Variants in OLFML2A observed in about 807,000 individuals in gnomAD.
OLFML2A encodes the protein olfactomedin-like protein 2A.
Under a neutral mutation model 60.9 loss-of-function variants are expected in OLFML2A, and 47 were observed. The observed-to-expected ratio is 0.77, with a 90% CI of 0.61 to 0.98. The LOEUF is 0.98. Among genes scored for constraint, OLFML2A ranks in the 50% least tolerant of loss-of-function variants. The pLI, the probability that OLFML2A is intolerant of heterozygous loss-of-function variation, is 0.00. For synonymous variants in OLFML2A, 372 were observed against 375.0 expected (o/e 0.99, Z 0.09); for missense variants, 922 against 879.8 (o/e 1.05, Z -0.61).
At position 124,806,665 on chromosome 9, in the gene OLFML2A, G is replaced by A. The variant is rs190642996; in HGVS notation, c.1169-1116G>A. 7.2e-4 allele frequency among the ~76,000 whole-genome samples: 108 copies of A among 150,830 alleles called. 1 individual carries two copies. Among genetic ancestry groups the A allele is most frequent in the African/African-American group, 2.2e-3 (92 of 41,028 alleles). On this transcript the variant is annotated intron_variant, in intron 6 of 7. Transcript: ENST00000373580. ...GAGATGGAGTCTCACTCTGTCACCC[G>A]GCTGGAGTGCAATTGTGTGATCTTG...
chr9:124,799,982 G>C (rs868471551), intron 4 of OLFML2A, among the ~76,000 whole-genome samples: 3 of 152,184 alleles, frequency 2.0e-5, no homozygotes, highest in Middle Eastern at 3.2e-3. Flanking sequence ...CCAATACCCA[G>C]GCACTCGACC....
intron 2 of OLFML2A, among the ~76,000 whole-genome samples, chr9:124,793,439 C>A (rs970669209): frequency 2.6e-5 from 4 of 152,188 alleles, no homozygotes; most frequent in Non-Finnish European, 5.9e-5. Context: ...CTCTCGGCTG[C>A]CATTTCCCCG....
chr9:124,794,397 A>T (rs1313092046), intron 2 of OLFML2A, among the ~76,000 whole-genome samples: 1 of 152,102 alleles, frequency 6.6e-6, no homozygotes, highest in Non-Finnish European at 1.5e-5. Context: ...ATCCGGACAA[A>T]CTCCTCCAGT....
intron 1 of OLFML2A, among the ~76,000 whole-genome samples, chr9:124,780,989 C>T (rs2131238453): frequency 6.6e-6 from 1 of 152,246 alleles, no homozygotes; most frequent in East Asian, 1.9e-4. Context: ...AGAGCAGGAC[C>T]CAGGCATCTG....
chr9:124,783,779 G>A (rs935027367), intron 1 of OLFML2A, among the ~76,000 whole-genome samples: 4 of 152,156 alleles, frequency 2.6e-5, no homozygotes, highest in South Asian at 2.1e-4. Context: ...CAGGAAACTA[G>A]ACAAAGGCCC....
rs1012619320 is a variant in OLFML2A at position 124,814,732 on chromosome 9, T to C, written c.*4320T>C. The C allele has an allele frequency of 6.6e-6, 1 of 152,250 alleles. No homozygotes were observed. The highest frequency in any genetic ancestry group is 6.5e-5 in the Admixed American group (1 of 15,286). The allele number at this position is 152,250 out of a possible 1,614,324, so 9.4% of individuals were successfully genotyped here. Reference sequence around the variant, plus strand: ...AATTGTGCTGAGTCTCCTACTAGACTCGCTTCATTCTAGCTTTCTGCTTTT... The same window carrying C: ...AATTGTGCTGAGTCTCCTACTAGACCCGCTTCATTCTAGCTTTCTGCTTTT... On this transcript the variant is annotated 3_prime_UTR_variant, in exon 8 of 8. Coordinates refer to ENST00000373580, the MANE Select transcript of OLFML2A (RefSeq NM_182487.4).
At position 124,807,294 on chromosome 9, in the gene OLFML2A, C is replaced by CTTTTT. The variant is rs56823893; in HGVS notation, c.1169-479_1169-475dup. On this transcript the variant is annotated intron_variant, in intron 6 of 7. Coordinates refer to ENST00000373580, the MANE Select transcript of OLFML2A (RefSeq NM_182487.4). ...TGAAGATTTTTATTTTCTCCATTCTCTTTTTTTTTTTTGAGAAGAGTTTCA... is the reference window on the plus strand; with the variant it reads ...TGAAGATTTTTATTTTCTCCATTCTCTTTTTTTTTTTTTTTTTGAGAAGAGTTTCA... 8.8e-4 allele frequency among the ~76,000 whole-genome samples: 120 copies of CTTTTT among 136,154 alleles called. 1 individual carries two copies. Among genetic ancestry groups the CTTTTT allele is most frequent in the Admixed American group, 6.1e-4 (8 of 13,014 alleles). The allele number at this position is 136,154 out of a possible 152,430, so 89.3% of individuals were successfully genotyped here.
chr9:124,804,322 G>A lies in OLFML2A; in HGVS notation c.1148G>A (p.Gly383Asp), dbSNP rs765238229. The change falls in exon 6 of 8, where the codon GGT (glycine) becomes GAT (aspartate). Residue 383 changes from glycine (G) to aspartate (D), a missense_variant. Gly to Asp is a moderately conservative substitution (Grantham distance 94, BLOSUM62 -1). Transcript: ENST00000373580. ...TSLLPTEPPS[G>D]PEVSSQGREA... ...CTCCTGCCCACCGAGCCACCTTCAG[G>A]TCCAGAAGTCTCCAGCCAAGGTGAG... is the stretch of plus-strand genomic sequence containing the variant. 6.5e-7 allele frequency: 1 copy of A among 1,547,664 alleles called. No homozygotes were observed. The highest frequency in any genetic ancestry group is 1.2e-5 in the South Asian group (1 of 83,604).
chr9:124,790,315 G>A (rs1429369959), intron 2 of OLFML2A, among the ~76,000 whole-genome samples: 25 of 151,950 alleles, frequency 1.6e-4, no homozygotes, highest in Admixed American at 1.2e-3. Flanking sequence ...GATTACAGGC[G>A]TTCGCCACCA....
rs770648273 is a variant in OLFML2A at position 124,809,868 on chromosome 9, A to T, written c.1415A>T (p.Tyr472Phe). The change falls in exon 8 of 8, where the codon TAC becomes TTC. Residue 472 changes from tyrosine (Y) to phenylalanine (F), a missense_variant. By Grantham distance (22) the Tyr-to-Phe change is conservative. Transcript: ENST00000373580. The part of the protein sequence containing the change: ...YNWIGTGHVV[Y>F]QGAFYYNRAF... Reference sequence around the variant, plus strand: ...TGGATCGGCACAGGCCACGTGGTGTACCAGGGCGCCTTCTACTACAACCGC... The same window carrying T: ...TGGATCGGCACAGGCCACGTGGTGTTCCAGGGCGCCTTCTACTACAACCGC... 6.2e-7 allele frequency: 1 copy of T among 1,614,132 alleles called. No homozygotes were observed.
chr9:124,791,015 C>A (rs1161919601), intron 2 of OLFML2A, among the ~76,000 whole-genome samples: 1 of 152,306 alleles, frequency 6.6e-6, no homozygotes, highest in East Asian at 1.9e-4. Context: ...TTGGAGGGTG[C>A]CTTTTCACCT....
intron 2 of OLFML2A, among the ~76,000 whole-genome samples, chr9:124,791,182 G>T (rs1329701948): frequency 1.3e-5 from 2 of 152,170 alleles, no homozygotes; most frequent in East Asian, 1.9e-4. Context: ...CCAAGGAGGG[G>T]ATAGAAGGAT....
chr9:124,798,847 T>C (rs1334116045), intron 3 of OLFML2A, among the ~76,000 whole-genome samples: 1 of 152,112 alleles, frequency 6.6e-6, no homozygotes, highest in Admixed American at 6.6e-5. Flanking sequence ...GCACTATATA[T>C]GCAGATATGC....
chr9:124,787,121 T>A lies in OLFML2A; in HGVS notation c.237T>A (p.Thr79=). The A allele has an allele frequency of 6.2e-7, 1 of 1,614,224 alleles. No individual in the cohort carries two copies. The highest frequency in any genetic ancestry group is 8.5e-7 in the Non-Finnish European group (1 of 1,180,038). Residue 79 remains threonine, a synonymous_variant, in exon 2 of 8, where the codon ACT becomes ACA. Coordinates refer to ENST00000373580, the MANE Select transcript of OLFML2A (RefSeq NM_182487.4). ...TGGAGGACTTCTACACGGTGGAGAC[T>A]GTGAGCTCGGGCACTGACTGCCGCT... is the stretch of plus-strand genomic sequence containing the variant. The part of the protein sequence containing the change: ...ARVEDFYTVE[T]VSSGTDCRCS...
intron 6 of OLFML2A, among the ~76,000 whole-genome samples, chr9:124,804,617 G>A (rs1024369005): frequency 4.6e-5 from 7 of 151,368 alleles, no homozygotes; most frequent in South Asian, 2.1e-4. Flanking sequence ...CCAGCTACTC[G>A]GGAGGCTGAG....
At chr9:124,785,446 G>A (rs1841450607) in intron 1 of OLFML2A, among the ~76,000 whole-genome samples, 2 of 136,716 alleles carry the variant, frequency 1.5e-5, no homozygotes, top group South Asian at 4.6e-4. Flanking sequence ...CACCCAGGCT[G>A]GAGTGCAGTG....
intron 6 of OLFML2A, among the ~76,000 whole-genome samples, chr9:124,807,337 G>A (rs1841916313): frequency 7.4e-6 from 1 of 135,120 alleles, no homozygotes; most frequent in South Asian, 2.3e-4. Flanking sequence ...CGCCCAGAGT[G>A]CAGTGGCATG....
chr9:124,785,900 G>C (rs890621901), intron 1 of OLFML2A, among the ~76,000 whole-genome samples: 9 of 152,094 alleles, frequency 5.9e-5, no homozygotes, highest in Non-Finnish European at 1.5e-5. Context: ...GATCACTTGT[G>C]GCCAGGAGTT....
chr9:124,807,723 C>A (rs374146349), intron 6 of OLFML2A, 58 bp from the exon 7 acceptor site: 6 of 1,386,976 alleles, frequency 4.3e-6, no homozygotes, highest in Non-Finnish European at 5.8e-6. Flanking sequence ...CAGCCCGTTG[C>A]TCTGGCTGGG....
Sources: gnomAD v4.1 joint callset for allele counts (sites outside exome capture counted in the v4.1 genomes callset) on GRCh38, gnomAD v4.1.1 for gene constraint, MANE v1.5 for transcripts, NCBI Gene and HGNC (gene_info 2026-07-23, HGNC 2026-07-21) for gene names.